Variants in PLCL1 observed in about 807,000 individuals in gnomAD.
PLCL1 encodes inactive phospholipase C-like protein 1.
A neutral mutation model predicts 84.4 loss-of-function variants in PLCL1; 41 were observed. The observed-to-expected ratio is 0.49, with a 90% CI of 0.38 to 0.63. The LOEUF (loss-of-function observed/expected upper bound fraction) is 0.63. Among genes scored for constraint, PLCL1 ranks in the 30% least tolerant of loss-of-function variants. PLCL1 has a pLI of 0.00. For missense variants in PLCL1, 1,206 were observed against 1,367.8 expected (o/e 0.88, Z 1.87); for synonymous variants, 490 against 488.3 (o/e 1.00, Z -0.05).
chr2:197,961,946 T>G lies in PLCL1; in HGVS notation c.241-121812T>G, dbSNP rs146178555. Among the ~76,000 whole-genome samples the G allele has an allele frequency of 9.9e-4, 151 of 152,172 alleles. 1 individual carries two copies. Among genetic ancestry groups the G allele is most frequent in the African/African-American group, 3.4e-3 (142 of 41,562 alleles). ...GTATCTGTTTGAAGTAGTTATTCTA[T>G]TATAATTAGTAACAAAAATAATTTG... is the stretch of plus-strand genomic sequence containing the variant. On this transcript the variant is annotated intron_variant, in intron 1 of 5. Coordinates refer to ENST00000428675, the MANE Select transcript of PLCL1 (RefSeq NM_006226.4).
At chr2:197,811,836 AG>A (rs1472297406) in intron 1 of PLCL1, among the ~76,000 whole-genome samples, 5 of 152,132 alleles carry the variant, frequency 3.3e-5, no homozygotes, top group Non-Finnish European at 7.4e-5. Context: ...TTTTAGGTTC[AG>A]GGGGTGTACA....
At chr2:197,991,739 G>C (rs940382024) in intron 1 of PLCL1, among the ~76,000 whole-genome samples, 6 of 152,078 alleles carry the variant, frequency 3.9e-5, no homozygotes, top group African/African-American at 1.4e-4. Flanking sequence ...TCATTAGTGG[G>C]AGATGTGCTG....
chr2:198,057,163 A>G lies in PLCL1; in HGVS notation c.241-26595A>G, dbSNP rs186698828. 2.6e-5 allele frequency among the ~76,000 whole-genome samples: 4 copies of G among 152,278 alleles called. No individual in the cohort carries two copies. The East Asian group carries it at 5.8e-4, about 22-fold the overall frequency. On this transcript the variant is annotated intron_variant, in intron 1 of 5. Transcript: ENST00000428675. ...GAGCCTCTTTATCTTTTAGGAGTCA[A>G]TACTCTGTGGTTCTAAATTAGAGTC...
intron 1 of PLCL1, among the ~76,000 whole-genome samples, chr2:197,921,399 G>A (rs1435634030): frequency 6.6e-6 from 1 of 152,114 alleles, no homozygotes; most frequent in Non-Finnish European, 1.5e-5. Flanking sequence ...CCTTTTCAAA[G>A]TTTCGGGTGA....
intron 1 of PLCL1, among the ~76,000 whole-genome samples, chr2:197,811,855 G>A (rs1206059346): frequency 6.6e-6 from 1 of 152,124 alleles, no homozygotes; most frequent in Non-Finnish European, 1.5e-5. Context: ...ACATGTGTAA[G>A]TTTGTTCCTT....
intron 1 of PLCL1, among the ~76,000 whole-genome samples, chr2:198,000,598 T>C (rs766302286): frequency 1.5e-4 from 23 of 152,200 alleles, no homozygotes; most frequent in Non-Finnish European, 2.8e-4. Context: ...TACTATATTA[T>C]ACTTTGAAGA....
rs3056066 is a variant in PLCL1 at position 197,804,942 on chromosome 2, T to TGCCGCCGCC, written c.-142_-134dup. 1.3e-4 allele frequency: 98 copies of TGCCGCCGCC among 733,070 alleles called. No homozygotes were observed. Among genetic ancestry groups the TGCCGCCGCC allele is most frequent in the African/African-American group, 5.8e-4 (29 of 49,972 alleles). The allele number at this position is 733,070 out of a possible 1,614,324, so 45.4% of individuals were successfully genotyped here. ...GAGCGATGTCCCCTCTCCAGAAAGT[T>TGCCGCCGCC]GCCGCCGCCGCCGCCGCCGCCGCCA... On this transcript the variant is annotated 5_prime_UTR_variant, in exon 1 of 6. Transcript: ENST00000428675.
chr2:198,142,639 T>G (rs980136335), intron 5 of PLCL1, among the ~76,000 whole-genome samples: 1 of 152,212 alleles, frequency 6.6e-6, no homozygotes, highest in Non-Finnish European at 1.5e-5. Context: ...GTGTTGGACC[T>G]GCCAGTGGAA....
intron 1 of PLCL1, among the ~76,000 whole-genome samples, chr2:197,839,016 A>C (rs1433125031): frequency 6.6e-6 from 1 of 152,234 alleles, no homozygotes; most frequent in Non-Finnish European, 1.5e-5. Flanking sequence ...ATTGCCTTAT[A>C]TATCTGCTCT....
chr2:198,122,570 C>T (rs1693894127), intron 5 of PLCL1, among the ~76,000 whole-genome samples: 1 of 152,072 alleles, frequency 6.6e-6, no homozygotes, highest in South Asian at 2.1e-4. Flanking sequence ...GTCTCAGTTA[C>T]ACTTTTGGAA....
At chr2:197,875,354 A>G (rs1687715186) in intron 1 of PLCL1, among the ~76,000 whole-genome samples, 1 of 152,140 alleles carries the variant, frequency 6.6e-6, no homozygotes, top group Admixed American at 6.6e-5. Context: ...TATAGATGGG[A>G]TAAGGACAGT....
At chr2:198,101,259 C>G (rs368483590) in intron 3 of PLCL1, 26 bp from the exon 4 acceptor site, 2 of 1,436,766 alleles carry the variant, frequency 1.4e-6, no homozygotes, top group Non-Finnish European at 9.7e-7. Flanking sequence ...CTGACAACCA[C>G]CTTTTTGATG....
At chr2:198,101,219 T>G in intron 3 of PLCL1, 66 bp from the exon 4 acceptor site, 2 of 905,854 alleles carry the variant, frequency 2.2e-6, no homozygotes, top group Non-Finnish European at 3.6e-6. Flanking sequence ...TCTCTGTATG[T>G]CGTCTTCCCA....
intron 1 of PLCL1, among the ~76,000 whole-genome samples, chr2:197,945,890 T>C (rs1689261994): frequency 6.6e-6 from 1 of 152,154 alleles, no homozygotes; most frequent in African/African-American, 2.4e-5. Context: ...ACTTTAATAT[T>C]ACATTAAAGT....
chr2:197,848,380 G>C (rs1196543372), intron 1 of PLCL1, among the ~76,000 whole-genome samples: 1 of 152,172 alleles, frequency 6.6e-6, no homozygotes, highest in African/African-American at 2.4e-5. Context: ...TAAAACGGGA[G>C]TACGTCAGGA....
At chr2:198,027,708 T>G (rs1225450067) in intron 1 of PLCL1, among the ~76,000 whole-genome samples, 3 of 152,208 alleles carry the variant, frequency 2.0e-5, no homozygotes, top group Admixed American at 2.0e-4. Context: ...GTGGTTTACT[T>G]AATAGTGCTA....
intron 1 of PLCL1, among the ~76,000 whole-genome samples, chr2:197,984,616 T>C (rs1690183963): frequency 6.6e-6 from 1 of 152,218 alleles, no homozygotes; most frequent in Non-Finnish European, 1.5e-5. Flanking sequence ...TGGTCCATAA[T>C]ACCAACTTGT....
At chr2:198,102,375 C>A (rs931144536) in intron 4 of PLCL1, among the ~76,000 whole-genome samples, 2 of 152,034 alleles carry the variant, frequency 1.3e-5, no homozygotes, top group South Asian at 2.1e-4. Context: ...CCGAGACTCA[C>A]ATAGCTAGTA....
chr2:198,076,517 C>CT (rs1468425585), intron 1 of PLCL1, among the ~76,000 whole-genome samples: 2 of 152,202 alleles, frequency 1.3e-5, no homozygotes, highest in Admixed American at 6.5e-5. Context: ...ACAATAAATG[C>CT]TTTTTTTATT....
Sources: gnomAD v4.1 joint callset for allele counts (sites outside exome capture counted in the v4.1 genomes callset) on GRCh38, gnomAD v4.1.1 for gene constraint, MANE v1.5 for transcripts, NCBI Gene and HGNC (gene_info 2026-07-23, HGNC 2026-07-21) for gene names.